TIAM1: variants seen among roughly 807,000 people sequenced by gnomAD.
TIAM1 encodes the protein rho guanine nucleotide exchange factor TIAM1.
A neutral mutation model predicts 163.5 loss-of-function variants in TIAM1; 65 were observed. The ratio of observed to expected loss-of-function variants is 0.40; its 90% confidence interval spans 0.33 to 0.49. The LOEUF is 0.49. Among genes scored for constraint, TIAM1 ranks in the 20% least tolerant of loss-of-function variants. The pLI, the probability that TIAM1 is intolerant of heterozygous loss-of-function variation, is 0.77. For synonymous variants in TIAM1, 833 were observed against 810.1 expected (o/e 1.03, Z -0.48); for missense variants, 1,789 against 2,044.7 (o/e 0.87, Z 2.41).
intron 2 of TIAM1, among the ~76,000 whole-genome samples, chr21:31,291,770 G>A (rs771215510): frequency 1.7e-4 from 26 of 152,272 alleles, no homozygotes; most frequent in Middle Eastern, 3.4e-3. Context: ...TGATCTGCCC[G>A]CCTTGGCCTC....
intron 6 of TIAM1, among the ~76,000 whole-genome samples, chr21:31,239,806 T>TG (rs1419042806): frequency 6.6e-6 from 1 of 152,136 alleles, no homozygotes; most frequent in Non-Finnish European, 1.5e-5. Flanking sequence ...ATTAATATCT[T>TG]AAAAAGGATT....
chr21:31,302,894 G>A (rs1056941123), intron 2 of TIAM1, among the ~76,000 whole-genome samples: 1 of 152,122 alleles, frequency 6.6e-6, no homozygotes, highest in Non-Finnish European at 1.5e-5. Flanking sequence ...CAATTGGGAG[G>A]CCCATTTTAC....
chr21:31,551,409 CAAAAAAGA>C lies in TIAM1; in HGVS notation c.-422+7510_-422+7517del, dbSNP rs551607865. 3.1e-3 allele frequency among the ~76,000 whole-genome samples: 461 copies of C among 148,214 alleles called. 1 individual carries two copies. The highest frequency in any genetic ancestry group is 4.2e-3 in the Non-Finnish European group (284 of 67,254). ...TGGGGAACAGAGCGAGGCTCTGTCT[CAAAAAAGA>C]AAAAAAGAAAAGAAAAAGAAAGAAA... On this transcript the variant is annotated intron_variant, in intron 1 of 28. Transcript: ENST00000286827.
At chr21:31,416,193 A>G (rs2043365356) in intron 2 of TIAM1, among the ~76,000 whole-genome samples, 1 of 152,032 alleles carries the variant, frequency 6.6e-6, no homozygotes, top group Non-Finnish European at 1.5e-5. Context: ...CTCCTCTCCT[A>G]TTGTGCCCTG....
chr21:31,470,064 C>T (rs925490267), intron 1 of TIAM1, among the ~76,000 whole-genome samples: 3 of 148,460 alleles, frequency 2.0e-5, no homozygotes, highest in Non-Finnish European at 3.0e-5. Context: ...AGTGCAGTGG[C>T]GCGATCTCAG....
intron 1 of TIAM1, among the ~76,000 whole-genome samples, chr21:31,527,820 A>T (rs1462296948): frequency 6.6e-6 from 1 of 152,144 alleles, no homozygotes; most frequent in East Asian, 1.9e-4. Context: ...ACTTGTGGTC[A>T]ACAGTCTCTC....
rs112765635 is a variant in TIAM1 at position 31,380,916 on chromosome 21, C to T, written c.-368-41494G>A. ...CCCCTTCACTCACATGTTGAATGAC[C>T]TGGGATCCTCCCCCAAGCCCCAGCT... On this transcript the variant is annotated intron_variant, in intron 2 of 28. Transcript: ENST00000286827. Among the ~76,000 whole-genome samples the T allele has an allele frequency of 3.3e-3, 502 of 152,332 alleles. 5 individuals carry two copies. Among genetic ancestry groups the T allele is most frequent in the Middle Eastern group, 0.01 (3 of 294 alleles).
At chr21:31,265,768 C>A (rs2072722991) in intron 4 of TIAM1, among the ~76,000 whole-genome samples, 2 of 152,122 alleles carry the variant, frequency 1.3e-5, no homozygotes, top group South Asian at 4.1e-4. Context: ...TTTTTTCCCA[C>A]TCCTATCACA....
In TIAM1 at chr21:31,391,712, C is replaced by G. The variant is rs547507769; in HGVS notation, c.-368-52290G>C. ...TACAATTTGTTACCTGGACTTACAA[C>G]TTTTACATATCCAGACAAAGGTTAT... is the stretch of plus-strand genomic sequence containing the variant. On this transcript the variant is annotated intron_variant, in intron 2 of 28. Coordinates refer to the TIAM1 transcript ENST00000286827. Among the ~76,000 whole-genome samples, 3 of 152,318 alleles carry G rather than the reference C, an allele frequency of 2.0e-5. No homozygotes were observed. The South Asian group carries it at 6.2e-4, about 32-fold the overall frequency.
At chr21:31,499,526 G>T (rs983548416) in intron 1 of TIAM1, among the ~76,000 whole-genome samples, 3 of 149,644 alleles carry the variant, frequency 2.0e-5, no homozygotes, top group Admixed American at 6.7e-5. Context: ...GGACCAGAAA[G>T]CAAGACCCTG....
intron 1 of TIAM1, among the ~76,000 whole-genome samples, chr21:31,523,462 A>C (rs1422281458): frequency 1.3e-5 from 2 of 152,216 alleles, no homozygotes; most frequent in African/African-American, 4.8e-5. Flanking sequence ...AAAGTGAGGA[A>C]GGAAGACTAA....
intron 2 of TIAM1, among the ~76,000 whole-genome samples, chr21:31,322,560 A>G (rs1314816519): frequency 6.6e-6 from 1 of 152,042 alleles, no homozygotes; most frequent in Non-Finnish European, 1.5e-5. Flanking sequence ...CTGGCTTCAA[A>G]CCCACACTGA....
At chr21:31,391,485 C>T (rs2076964360) in intron 2 of TIAM1, among the ~76,000 whole-genome samples, 5 of 152,000 alleles carry the variant, frequency 3.3e-5, no homozygotes, top group Admixed American at 3.3e-4. Flanking sequence ...ATTAGCTGGG[C>T]GTGGTGGCAG....
At chr21:31,150,146 A>AT (rs1399359553) in intron 19 of TIAM1, among the ~76,000 whole-genome samples, 2 of 152,178 alleles carry the variant, frequency 1.3e-5, no homozygotes, top group Non-Finnish European at 2.9e-5. Flanking sequence ...TATTCTTGTA[A>AT]CTTTTCTGTA....
chr21:31,383,369 A>G (rs937793642), intron 2 of TIAM1, among the ~76,000 whole-genome samples: 8 of 152,214 alleles, frequency 5.3e-5, no homozygotes, highest in African/African-American at 1.4e-4. Context: ...ACTAAGCATT[A>G]CAAGGATTGT....
In TIAM1 at chr21:31,217,714, G is replaced by A; in HGVS notation, c.1996-15C>T. The A allele has an allele frequency of 6.2e-7, 1 of 1,611,720 alleles. No individual in the cohort carries two copies. The highest frequency in any genetic ancestry group is 1.1e-5 in the South Asian group (1 of 90,530). On this transcript the variant is annotated splice_polypyrimidine_tract_variant and intron_variant, in intron 8 of 27. Transcript: ENST00000541036. ...CGTGCTGCCACCTGAGGATGGCAAGGACAAGCAGCCACAAGGGAGATGCAT... is the reference window on the plus strand; with the variant it reads ...CGTGCTGCCACCTGAGGATGGCAAGAACAAGCAGCCACAAGGGAGATGCAT...
intron 12 of TIAM1, among the ~76,000 whole-genome samples, chr21:31,200,967 T>C (rs1195662475): frequency 6.6e-6 from 1 of 152,188 alleles, no homozygotes; most frequent in Non-Finnish European, 1.5e-5. Flanking sequence ...TATATAGCTA[T>C]CTGCATACAA....
intron 1 of TIAM1, among the ~76,000 whole-genome samples, chr21:31,522,126 C>T (rs899529517): frequency 1.3e-5 from 2 of 152,002 alleles, no homozygotes; most frequent in African/African-American, 4.8e-5. Context: ...CCGCCTCGGC[C>T]TCCCAAAATG....
chr21:31,218,561 T>C (rs2087346998), intron 8 of TIAM1, among the ~76,000 whole-genome samples: 1 of 143,050 alleles, frequency 7.0e-6, no homozygotes, highest in Admixed American at 6.7e-5. Flanking sequence ...AGAACGAGAC[T>C]CTTTCTCAAA....
Sources: gnomAD v4.1 joint callset for allele counts (sites outside exome capture counted in the v4.1 genomes callset) on GRCh38, gnomAD v4.1.1 for gene constraint, MANE v1.5 for transcripts, NCBI Gene and HGNC (gene_info 2026-07-23, HGNC 2026-07-21) for gene names.